RNF144B: variants seen among roughly 807,000 people sequenced by gnomAD.
RNF144B encodes ring finger protein 144B.
Under a neutral mutation model 40.2 loss-of-function variants are expected in RNF144B, and 25 were observed. That is an observed-to-expected ratio of 0.62 (90% CI 0.45 to 0.87). The LOEUF (loss-of-function observed/expected upper bound fraction) is 0.87. Among genes scored for constraint, RNF144B ranks in the 40% least tolerant of loss-of-function variants. RNF144B has a pLI of 0.00. For synonymous variants in RNF144B, 145 were observed against 136.3 expected (o/e 1.06, Z -0.44); for missense variants, 365 against 373.7 (o/e 0.98, Z 0.19).
chr6:18,392,592 T>C (rs972532000), intron 1 of RNF144B, among the ~76,000 whole-genome samples: 1 of 152,158 alleles, frequency 6.6e-6, no homozygotes, highest in Non-Finnish European at 1.5e-5. Context: ...GAAATGACGA[T>C]GTTAAAACTA....
chr6:18,427,963 A>T (rs1159865110), intron 3 of RNF144B, among the ~76,000 whole-genome samples: 1 of 152,162 alleles, frequency 6.6e-6, no homozygotes, highest in East Asian at 1.9e-4. Flanking sequence ...TGAAGTTAGG[A>T]GGCTGATATG....
At position 18,405,014 on chromosome 6, in the gene RNF144B, A is replaced by G. The variant is rs1377750896; in HGVS notation, c.165+5315A>G. Among the ~76,000 whole-genome samples, 2 of 152,070 alleles carry G rather than the reference A, an allele frequency of 1.3e-5. No homozygotes were observed. Among genetic ancestry groups the G allele is most frequent in the Non-Finnish European group, 2.9e-5 (2 of 68,006 alleles). On this transcript the variant is annotated intron_variant, in intron 2 of 7. Transcript: ENST00000259939. This position sits in a 1 kb window ranked among gnomAD's most constrained non-coding sequence, Gnocchi z 4.5. ...CTGCCAACCTTTCCCAAAGCTTTCA[A>G]ATTCTCCAGCTCCAGATTCCCACGT...
Position 18,457,230 on chromosome 6 carries a change from A to G in RNF144B, c.407A>G (p.Asp136Gly). The change falls in exon 5 of 8, where the codon GAC (aspartate) becomes GGC (glycine). Residue 136 changes from aspartate (D) to glycine (G), a missense_variant. Physicochemically the swap from Asp to Gly is moderately conservative, Grantham distance 94 (BLOSUM62 -1). Coordinates refer to ENST00000259939, the MANE Select transcript of RNF144B (RefSeq NM_182757.4). The surrounding 1 kb of genome is among the most constrained non-coding windows in gnomAD (Gnocchi z 5.1). ...CQTVCPVASS[D>G]PGQPVLVECP... ...ACAGTGTGCCCTGTTGCCTCGAGTGACCCAGGACAGCCTGTGCTGGTGGAA... is the reference window on the plus strand; with the variant it reads ...ACAGTGTGCCCTGTTGCCTCGAGTGGCCCAGGACAGCCTGTGCTGGTGGAA... 1.2e-6 allele frequency: 2 copies of G among 1,614,004 alleles called. No individual in the cohort carries two copies. The highest frequency in any genetic ancestry group is 1.7e-6 in the Non-Finnish European group (2 of 1,179,948).
rs142418183 is a variant in RNF144B, at chr6:18,405,654, C to T, written c.165+5955C>T. ...TGGTCAAGTCACAGGTTTACAATGC[C>T]GATTTTATTGGCACTATATTTTTCC... On this transcript the variant is annotated intron_variant, in intron 2 of 7. Coordinates refer to ENST00000259939, the MANE Select transcript of RNF144B (RefSeq NM_182757.4). The surrounding 1 kb of genome is among the most constrained non-coding windows in gnomAD (Gnocchi z 4.5). 1.1e-3 allele frequency among the ~76,000 whole-genome samples: 160 copies of T among 152,180 alleles called. 1 individual carries two copies. Among genetic ancestry groups the T allele is most frequent in the African/African-American group, 3.6e-3 (150 of 41,512 alleles).
In RNF144B at chr6:18,456,793, G is replaced by T. The variant is rs1050643638; in HGVS notation, c.332-362G>T. On this transcript the variant is annotated intron_variant, in intron 4 of 7. Coordinates refer to ENST00000259939, the MANE Select transcript of RNF144B (RefSeq NM_182757.4). This position sits in a 1 kb window ranked among gnomAD's most constrained non-coding sequence, Gnocchi z 4.7. ...GAGGGTAAATGGGGCAGGTGTGGTG[G>T]CTCATGCCTGTAAAATCCCAGCACT... 7.2e-5 allele frequency among the ~76,000 whole-genome samples: 11 copies of T among 152,260 alleles called. No homozygotes were observed. In the East Asian group the frequency reaches 2.1e-3, roughly 29 times the overall value.
At chr6:18,389,288 G>C (rs895485421) in intron 1 of RNF144B, among the ~76,000 whole-genome samples, 23 of 152,208 alleles carry the variant, frequency 1.5e-4, no homozygotes, top group African/African-American at 5.1e-4. Context: ...ATCAGTTTTT[G>C]GGTCTCAGAT....
rs758763500 is a variant in RNF144B, at chr6:18,457,651, A to G, written c.536+292A>G. Among the ~76,000 whole-genome samples the G allele has an allele frequency of 1.3e-5, 2 of 152,136 alleles. No homozygotes were observed. Among genetic ancestry groups the G allele is most frequent in the Non-Finnish European group, 2.9e-5 (2 of 68,016 alleles). On this transcript the variant is annotated intron_variant, in intron 5 of 7. Coordinates refer to ENST00000259939, the MANE Select transcript of RNF144B (RefSeq NM_182757.4). This position sits in a 1 kb window ranked among gnomAD's most constrained non-coding sequence, Gnocchi z 5.1. ...TACTGGTTCTCAGTAGGAAATCATG[A>G]CTTGTTCCCGCTCTTTGCTCAGATA...
intron 1 of RNF144B, among the ~76,000 whole-genome samples, chr6:18,391,677 C>G (rs2113451273): frequency 6.6e-6 from 1 of 151,536 alleles, no homozygotes; most frequent in African/African-American, 2.4e-5. Flanking sequence ...ACCATCCTGG[C>G]AAACACGGTG....
chr6:18,436,772 CTAA>C lies in RNF144B; in HGVS notation c.271-2907_271-2905del, dbSNP rs564094448. ...TTTACCTGCAGCCTGATTTAGTCTT[CTAA>C]TAATCATCCTAACACAAGTATTAAT... On this transcript the variant is annotated intron_variant, in intron 3 of 7. Transcript: ENST00000259939. Among the ~76,000 whole-genome samples the C allele has an allele frequency of 9.3e-4, 142 of 152,200 alleles. 1 individual carries two copies. The highest frequency in any genetic ancestry group is 3.0e-3 in the African/African-American group (124 of 41,550).
At chr6:18,452,955 TTTG>T (rs1387509243) in intron 4 of RNF144B, among the ~76,000 whole-genome samples, 4 of 151,886 alleles carry the variant, frequency 2.6e-5, no homozygotes, top group Non-Finnish European at 5.9e-5. Flanking sequence ...TGGCTACTTT[TTTG>T]TTGTTGTTGT....
intron 2 of RNF144B, among the ~76,000 whole-genome samples, chr6:18,413,694 G>T (rs999213619): frequency 1.3e-5 from 2 of 152,182 alleles, no homozygotes; most frequent in African/African-American, 4.8e-5. Flanking sequence ...GAAGTTACTG[G>T]TGTTCTTAAG....
Position 18,406,092 on chromosome 6 carries a change from G to T in RNF144B, c.165+6393G>T, listed in dbSNP as rs776518869. On this transcript the variant is annotated intron_variant, in intron 2 of 7. Coordinates refer to ENST00000259939, the MANE Select transcript of RNF144B (RefSeq NM_182757.4). The surrounding 1 kb of genome is among the most constrained non-coding windows in gnomAD (Gnocchi z 4.2). ...TATTTGCTGTGTCTTGCATAGTTCTGATGGTTTGAATATAGTGGTGAACGA... is the reference window on the plus strand; with the variant it reads ...TATTTGCTGTGTCTTGCATAGTTCTTATGGTTTGAATATAGTGGTGAACGA... 1.9e-6 allele frequency: 1 copy of T among 518,982 alleles called. No individual in the cohort carries two copies. The highest frequency in any genetic ancestry group is 3.8e-6 in the Non-Finnish European group (1 of 259,862). 32.1% of individuals were successfully genotyped at this position (518,982 alleles called of 1,614,324 possible). A position where few individuals can be genotyped will look rare whatever the true frequency, so the allele number is the denominator to read the frequency against.
rs913435134 is a variant in RNF144B, at chr6:18,446,242, T to C, written c.331+6498T>C. 6.6e-6 allele frequency among the ~76,000 whole-genome samples: 1 copy of C among 152,210 alleles called. No individual in the cohort carries two copies. Among genetic ancestry groups the C allele is most frequent in the Admixed American group, 6.5e-5 (1 of 15,270 alleles). ...TGAGGTATATAAGACAAAACTATTC[T>C]CTTAATGGGATACTGGAATTATAAT... On this transcript the variant is annotated intron_variant, in intron 4 of 7. Coordinates refer to ENST00000259939, the MANE Select transcript of RNF144B (RefSeq NM_182757.4). This position sits in a 1 kb window ranked among gnomAD's most constrained non-coding sequence, Gnocchi z 4.7.
At position 18,446,770 on chromosome 6, in the gene RNF144B, G is replaced by A. The variant is rs1759090445; in HGVS notation, c.331+7026G>A. Among the ~76,000 whole-genome samples, 1 of 152,052 alleles carries A rather than the reference G, an allele frequency of 6.6e-6. No homozygotes were observed. Among genetic ancestry groups the A allele is most frequent in the African/African-American group, 2.4e-5 (1 of 41,382 alleles). ...GGGTAGGAAGCTACTGGCAGCTAGTGGGTAGACGCCAGGGATGCTGCTCAA... is the reference window on the plus strand; with the variant it reads ...GGGTAGGAAGCTACTGGCAGCTAGTAGGTAGACGCCAGGGATGCTGCTCAA... On this transcript the variant is annotated intron_variant, in intron 4 of 7. Coordinates refer to ENST00000259939, the MANE Select transcript of RNF144B (RefSeq NM_182757.4). This position sits in a 1 kb window ranked among gnomAD's most constrained non-coding sequence, Gnocchi z 4.7.
rs911793121 is a variant in RNF144B, at chr6:18,441,248, C to T, written c.331+1504C>T. Among the ~76,000 whole-genome samples the T allele has an allele frequency of 1.3e-5, 2 of 152,186 alleles. No homozygotes were observed. The highest frequency in any genetic ancestry group is 2.9e-5 in the Non-Finnish European group (2 of 68,036). On this transcript the variant is annotated intron_variant, in intron 4 of 7. Transcript: ENST00000259939. This position sits in a 1 kb window ranked among gnomAD's most constrained non-coding sequence, Gnocchi z 4.9. ...CTATAAAAATCAATTATAATTAGAACATGGACATTCCCAGTATTCACCCTG... is the reference window on the plus strand; with the variant it reads ...CTATAAAAATCAATTATAATTAGAATATGGACATTCCCAGTATTCACCCTG...
intron 4 of RNF144B, among the ~76,000 whole-genome samples, chr6:18,455,939 T>C (rs1001333490): frequency 2.6e-5 from 4 of 152,174 alleles, no homozygotes; most frequent in South Asian, 2.1e-4. Flanking sequence ...TTTGTTTTTT[T>C]TGAGACGGAG....
In RNF144B at chr6:18,466,685, G is replaced by A. The variant is rs1330299564; in HGVS notation, c.*1618G>A. 6.6e-6 allele frequency: 1 copy of A among 152,620 alleles called. No homozygotes were observed. The highest frequency in any genetic ancestry group is 2.4e-5 in the African/African-American group (1 of 41,434). 9.5% of individuals were successfully genotyped at this position (152,620 alleles called of 1,614,324 possible). A position where few individuals can be genotyped will look rare whatever the true frequency, so the allele number is the denominator to read the frequency against. On this transcript the variant is annotated 3_prime_UTR_variant, in exon 8 of 8. Coordinates refer to ENST00000259939, the MANE Select transcript of RNF144B (RefSeq NM_182757.4). ...TTCAGGATCTATGATATTTTCTGAG[G>A]TAACTGGGTAATAGAATATCAAATT... is the stretch of plus-strand genomic sequence containing the variant.
chr6:18,450,101 T>G lies in RNF144B; in HGVS notation c.332-7054T>G, dbSNP rs1425218291. The stretch of plus-strand genomic sequence containing the variant: ...CTGTAAGGGATAAGTCAGCTGTCAC[T>G]GTTCCAGTTTTGGTTTCTCCTCTTT... On this transcript the variant is annotated intron_variant, in intron 4 of 7. Coordinates refer to ENST00000259939, the MANE Select transcript of RNF144B (RefSeq NM_182757.4). The surrounding 1 kb of genome is among the most constrained non-coding windows in gnomAD (Gnocchi z 4.7). Among the ~76,000 whole-genome samples the G allele has an allele frequency of 6.6e-6, 1 of 152,254 alleles. No individual in the cohort carries two copies. Among genetic ancestry groups the G allele is most frequent in the African/African-American group, 2.4e-5 (1 of 41,478 alleles).
At position 18,405,995 on chromosome 6, in the gene RNF144B, A is replaced by G; in HGVS notation, c.165+6296A>G. 2.0e-6 allele frequency: 1 copy of G among 509,748 alleles called. No homozygotes were observed. Among genetic ancestry groups the G allele is most frequent in the South Asian group, 1.4e-5 (1 of 70,414 alleles). The allele number at this position is 509,748 out of a possible 1,614,324, so 31.6% of individuals were successfully genotyped here. On this transcript the variant is annotated intron_variant, in intron 2 of 7. Coordinates refer to ENST00000259939, the MANE Select transcript of RNF144B (RefSeq NM_182757.4). The surrounding 1 kb of genome is among the most constrained non-coding windows in gnomAD (Gnocchi z 4.5). The stretch of plus-strand genomic sequence containing the variant: ...CTAATGAAAGAAGTCATTTTCTGGG[A>G]TGCCAGTATGGTTTGGCATTTAAGA...
Sources: gnomAD v4.1 joint callset for allele counts (sites outside exome capture counted in the v4.1 genomes callset) on GRCh38, gnomAD v4.1.1 for gene constraint, Gnocchi (gnomAD v3.1) non-coding constraint, MANE v1.5 for transcripts, NCBI Gene and HGNC (gene_info 2026-07-23, HGNC 2026-07-21) for gene names.